CD300A: variants seen among roughly 807,000 people sequenced by gnomAD.
CD300A encodes the protein CD300a molecule.
In CD300A, 22 loss-of-function variants were observed where a neutral mutation model predicts 33.6. The ratio of observed to expected loss-of-function variants is 0.66; its 90% CI spans 0.47 to 0.94. The LOEUF (loss-of-function observed/expected upper bound fraction) is 0.94, where lower values mean the gene tolerates loss of function less well. Among genes scored for constraint, CD300A ranks in the 40% least tolerant of loss-of-function variants. The pLI, the probability that CD300A is intolerant of heterozygous loss-of-function variation, is 0.00. For synonymous variants in CD300A, 136 were observed against 148.1 expected, an observed-to-expected ratio of 0.92 and a Z score of 0.59; for missense variants, 326 against 360.5, an observed-to-expected ratio of 0.90 and a Z score of 0.77.
chr17:74,467,053 A>G, intron 1 of CD300A: 1 of 1,209,608 alleles, frequency 8.3e-7, no homozygotes, highest in Non-Finnish European at 1.0e-6. Flanking sequence ...AAGGGGGACG[A>G]GAGGCAGGAT....
At chr17:74,479,010 C>T (rs1238930581) in intron 4 of CD300A, among the ~76,000 whole-genome samples, 1 of 152,128 alleles carries the variant, frequency 6.6e-6, no homozygotes, top group African/African-American at 2.4e-5. Flanking sequence ...TGCCCTTTCA[C>T]CCAGAAAGTC....
At chr17:74,479,774 G>A (rs913131601) in intron 4 of CD300A, among the ~76,000 whole-genome samples, 2 of 152,054 alleles carry the variant, frequency 1.3e-5, no homozygotes, top group Admixed American at 6.6e-5. Context: ...TCCCCTGACT[G>A]TGTGGCTGGG....
intron 4 of CD300A, among the ~76,000 whole-genome samples, chr17:74,479,695 A>G (rs919616364): frequency 6.6e-6 from 1 of 152,296 alleles, no homozygotes; most frequent in East Asian, 1.9e-4. Context: ...CATCCTCAGT[A>G]ACAAGATAAA....
At chr17:74,476,535 G>A (rs117693204) in intron 3 of CD300A, among the ~76,000 whole-genome samples, 1,716 of 152,248 alleles carry the variant, frequency 0.011, 17 homozygotes, top group Middle Eastern at 0.02. Context: ...GGTAATCTAA[G>A]AAAAAGATGA....
chr17:74,470,158 G>A, intron 1 of CD300A: 1 of 985,438 alleles, frequency 1.0e-6, no homozygotes, highest in African/African-American at 1.7e-5. Context: ...TGATTAGAGG[G>A]GTTTGGGGTG....
chr17:74,470,240 C>T (rs746224230), intron 1 of CD300A: 25 of 985,236 alleles, frequency 2.5e-5, no homozygotes, highest in African/African-American at 7.0e-5. Context: ...GTGATCGTTC[C>T]AGGTAAGTGG....
chr17:74,484,057 C>G lies in CD300A; in HGVS notation c.831C>G (p.Asn277Lys). 6.2e-7 allele frequency: 1 copy of G among 1,614,084 alleles called. No homozygotes were observed. Among genetic ancestry groups the G allele is most frequent in the Non-Finnish European group, 8.5e-7 (1 of 1,179,946 alleles). Residue 277 changes from asparagine (N) to lysine (K), a missense_variant, in exon 7 of 7, where the codon AAC (asparagine) becomes AAG (lysine). Transcript: ENST00000360141. ...YASVVFDSNT[N>K]RIAAQRPREE... ...CGGTGGTGTTTGATTCTAACACCAA[C>G]AGGATAGCTGCTCAGAGGCCTCGGG...
rs1905892866 is a variant in CD300A, at chr17:74,468,702, G to T, written c.40+1959G>T. Reference sequence around the variant, plus strand: ...ACAGAATCTCACTCTATCACCCAGGGCTGGAGTGCAGTGGCTTGATCTCAG... The same window carrying T: ...ACAGAATCTCACTCTATCACCCAGGTCTGGAGTGCAGTGGCTTGATCTCAG... On this transcript the variant is annotated intron_variant, in intron 1 of 6. Transcript: ENST00000360141. Among the ~76,000 whole-genome samples the T allele has an allele frequency of 1.3e-5, 2 of 151,730 alleles. 1 individual carries two copies. The highest frequency in any genetic ancestry group is 4.8e-5 in the African/African-American group (2 of 41,286).
chr17:74,479,091 T>C (rs1567983281), intron 4 of CD300A, among the ~76,000 whole-genome samples: 1 of 152,068 alleles, frequency 6.6e-6, no homozygotes, highest in East Asian at 1.9e-4. Context: ...GTTTGAAAAA[T>C]GAGCAAAAGC....
intron 2 of CD300A, 64 bp downstream of exon 2, chr17:74,473,938 G>A: frequency 6.5e-7 from 1 of 1,544,280 alleles, no homozygotes; most frequent in Admixed American, 1.8e-5. Context: ...GCAGGAATCA[G>A]ATCAGAGACG....
At chr17:74,467,110 G>A (rs1166893361) in intron 1 of CD300A, 8 of 713,790 alleles carry the variant, frequency 1.1e-5, no homozygotes, top group African/African-American at 1.9e-5. Context: ...CGAGGGGCAT[G>A]TGGTGAGGGT....
intron 1 of CD300A, among the ~76,000 whole-genome samples, chr17:74,468,933 C>T (rs1905908210): frequency 1.3e-5 from 2 of 152,142 alleles, no homozygotes; most frequent in South Asian, 4.1e-4. Context: ...CACAAAATAC[C>T]ATTTTTATTA....
chr17:74,474,777 G>C, intron 3 of CD300A, 92 bp downstream of exon 3: 1 of 1,382,928 alleles, frequency 7.2e-7, no homozygotes, highest in Non-Finnish European at 9.9e-7. Flanking sequence ...CCAGCTGGAG[G>C]TGTGCATCGC....
intron 3 of CD300A, among the ~76,000 whole-genome samples, chr17:74,474,890 G>A (rs1219933262): frequency 6.7e-6 from 1 of 149,992 alleles, no homozygotes; most frequent in African/African-American, 2.4e-5. Flanking sequence ...AAGTTGGGGG[G>A]CAGATGGAAG....
intron 6 of CD300A, 129 bp downstream of exon 6, chr17:74,481,962 A>G (rs898709393): frequency 9.5e-5 from 60 of 630,932 alleles, no homozygotes; most frequent in Non-Finnish European, 1.4e-4. Context: ...ACAGGGCCAC[A>G]TGGAGATGGA....
Position 74,477,449 on chromosome 17 carries a change from C to A in CD300A, c.547C>A (p.Leu183Ile), listed in dbSNP as rs1906544869. 1.2e-6 allele frequency: 2 copies of A among 1,613,700 alleles called. No homozygotes were observed. Among genetic ancestry groups the A allele is most frequent in the Non-Finnish European group, 1.7e-6 (2 of 1,179,774 alleles). ...TGCCTCCTCCAGGCTCCCGCTGCTC[C>A]TCTCCCTGCTGGCATTGTTGCTGCT... ...EVVNSQLPLL[L>I]SLLALLLLLL... Residue 183 changes from leucine (L) to isoleucine (I), a missense_variant, in exon 4 of 7, where the codon CTC (leucine) becomes ATC (isoleucine). Physicochemically the swap from Leu to Ile is conservative, Grantham distance 5. Coordinates refer to ENST00000360141, the MANE Select transcript of CD300A (RefSeq NM_007261.4).
chr17:74,478,684 C>T (rs1416272560), intron 4 of CD300A, among the ~76,000 whole-genome samples: 1 of 152,148 alleles, frequency 6.6e-6, no homozygotes, highest in South Asian at 2.1e-4. Flanking sequence ...GAATCTTTGT[C>T]CAAAGCCTTC....
chr17:74,471,509 A>G (rs1906098251), intron 1 of CD300A, among the ~76,000 whole-genome samples: 2 of 152,214 alleles, frequency 1.3e-5, no homozygotes, highest in South Asian at 2.1e-4. Context: ...GACAATTGTC[A>G]CCACTCTATA....
chr17:74,478,867 A>G (rs1176743022), intron 4 of CD300A, among the ~76,000 whole-genome samples: 1 of 152,134 alleles, frequency 6.6e-6, no homozygotes, highest in African/African-American at 2.4e-5. Flanking sequence ...TGCAGGGTGT[A>G]TGGGAAGAAA....
Sources: gnomAD v4.1 joint callset for allele counts (sites outside exome capture counted in the v4.1 genomes callset) on GRCh38, gnomAD v4.1.1 for gene constraint, MANE v1.5 for transcripts, NCBI Gene and HGNC (gene_info 2026-07-23, HGNC 2026-07-21) for gene names.